ELAVL2: variants seen among roughly 807,000 people sequenced by gnomAD.
ELAVL2 encodes the protein ELAV like RNA binding protein 2.
In ELAVL2, 4 loss-of-function variants were observed where a neutral mutation model predicts 34.6. The ratio of observed to expected loss-of-function variants is 0.12; its 90% CI spans 0.06 to 0.26. The LOEUF (loss-of-function observed/expected upper bound fraction) is 0.26. ELAVL2 is among the 10% of genes least tolerant of loss of function. The pLI, the probability that ELAVL2 is intolerant of heterozygous loss-of-function variation, is 1.00. For missense variants in ELAVL2, 432 were observed against 442.8 expected (o/e 0.98, Z 0.22); for synonymous variants, 193 against 154.8 (o/e 1.25, Z -1.83).
At chr9:23,761,700 C>T (rs1588205172) in intron 2 of ELAVL2, among the ~76,000 whole-genome samples, 1 of 151,920 alleles carries the variant, frequency 6.6e-6, no homozygotes, top group East Asian at 1.9e-4. Flanking sequence ...ACTCAGGGTA[C>T]TAAAAGATAA....
At chr9:23,745,987 G>A (rs1277083729) in intron 2 of ELAVL2, among the ~76,000 whole-genome samples, 2 of 151,984 alleles carry the variant, frequency 1.3e-5, no homozygotes, top group Non-Finnish European at 2.9e-5. Flanking sequence ...TAGTGCCCAA[G>A]AAACATAATC....
chr9:23,706,810 T>C (rs1213546651), intron 3 of ELAVL2, among the ~76,000 whole-genome samples: 1 of 152,212 alleles, frequency 6.6e-6, no homozygotes, highest in African/African-American at 2.4e-5. Context: ...TCCCCATAAT[T>C]TGAATTGTGC....
intron 5 of ELAVL2, among the ~76,000 whole-genome samples, chr9:23,695,916 A>G (rs1420667330): frequency 1.3e-5 from 2 of 152,104 alleles, no homozygotes; most frequent in Admixed American, 6.5e-5. Flanking sequence ...TCCATCCTCC[A>G]TCTCCCTCAC....
chr9:23,722,671 G>A (rs972519643), intron 3 of ELAVL2, among the ~76,000 whole-genome samples: 3 of 152,142 alleles, frequency 2.0e-5, no homozygotes, highest in Non-Finnish European at 4.4e-5. Context: ...AAAAGCTACG[G>A]CATCAGCCAA....
chr9:23,691,277 A>T lies in ELAVL2; in HGVS notation c.*1280T>A, dbSNP rs2033092158. 6.6e-6 allele frequency: 1 copy of T among 152,628 alleles called. No homozygotes were observed. Among genetic ancestry groups the T allele is most frequent in the African/African-American group, 2.4e-5 (1 of 41,464 alleles). The allele number at this position is 152,628 out of a possible 1,614,324, so 9.5% of individuals were successfully genotyped here. On this transcript the variant is annotated 3_prime_UTR_variant, in exon 7 of 7. Transcript: ENST00000397312. Reference sequence around the variant, plus strand: ...AGGGAAAAAAAATTAAATTAGCTGAAAGGTTCATAAACACAAGGTCTTATT... The same window carrying T: ...AGGGAAAAAAAATTAAATTAGCTGATAGGTTCATAAACACAAGGTCTTATT...
intron 2 of ELAVL2, among the ~76,000 whole-genome samples, chr9:23,740,903 G>A (rs1415953778): frequency 1.3e-5 from 2 of 152,192 alleles, no homozygotes; most frequent in Non-Finnish European, 1.5e-5. Context: ...TCAGCAGATT[G>A]CATTAAAATG....
chr9:23,782,815 T>G (rs143559723), intron 1 of ELAVL2, among the ~76,000 whole-genome samples: 5 of 152,314 alleles, frequency 3.3e-5, no homozygotes, highest in African/African-American at 1.2e-4. Context: ...CCACCAAGGT[T>G]TGGTAAACAG....
chr9:23,771,075 T>C (rs1434023838), intron 1 of ELAVL2, among the ~76,000 whole-genome samples: 1 of 152,128 alleles, frequency 6.6e-6, no homozygotes, highest in African/African-American at 2.4e-5. Context: ...AAATAAATTG[T>C]GTGTGGGTGT....
At chr9:23,712,042 C>A (rs1371938697) in intron 3 of ELAVL2, among the ~76,000 whole-genome samples, 2 of 152,128 alleles carry the variant, frequency 1.3e-5, no homozygotes, top group African/African-American at 4.8e-5. Flanking sequence ...CCAGAGGCGA[C>A]ACAATCTTCA....
intron 3 of ELAVL2, among the ~76,000 whole-genome samples, chr9:23,709,643 A>G (rs1272863571): frequency 2.0e-5 from 3 of 152,224 alleles, no homozygotes; most frequent in Non-Finnish European, 2.9e-5. Context: ...ATGGACTTCC[A>G]GCATATGTCC....
rs577288911 is a variant in ELAVL2 at position 23,821,125 on chromosome 9, G to A, written c.-16+4681C>T. 4 of 152,652 alleles carry A rather than the reference G, an allele frequency of 2.6e-5. No individual in the cohort carries two copies. The East Asian group carries it at 7.7e-4, about 29-fold the overall frequency. 9.5% of individuals were successfully genotyped at this position (152,652 alleles called of 1,614,324 possible). A position where few individuals can be genotyped will look rare whatever the true frequency, so the allele number is the denominator to read the frequency against. On this transcript the variant is annotated intron_variant, in intron 1 of 6. Coordinates refer to ENST00000397312, the MANE Select transcript of ELAVL2 (RefSeq NM_004432.5). Reference sequence around the variant, plus strand: ...CCGGCGTGTTCCGCGGGAGAAGCCAGTGCACACATCCTCCCGCAAGGCGGG... The same window carrying A: ...CCGGCGTGTTCCGCGGGAGAAGCCAATGCACACATCCTCCCGCAAGGCGGG...
chr9:23,792,762 T>A (rs1158019772), intron 1 of ELAVL2, among the ~76,000 whole-genome samples: 1 of 152,050 alleles, frequency 6.6e-6, no homozygotes, highest in Admixed American at 6.6e-5. Flanking sequence ...TTTACTTCCT[T>A]TTTTCATATT....
chr9:23,693,303 C>T, intron 6 of ELAVL2, 145 bp downstream of exon 6: 1 of 994,138 alleles, frequency 1.0e-6, no homozygotes. Context: ...GTCAATTGTG[C>T]TTCAAAGAGC....
chr9:23,728,498 AGAT>A (rs1330305524), intron 3 of ELAVL2, among the ~76,000 whole-genome samples: 1 of 152,138 alleles, frequency 6.6e-6, no homozygotes, highest in Non-Finnish European at 1.5e-5. Context: ...AAACTCAGCC[AGAT>A]GATAGGGTAA....
chr9:23,783,816 C>G (rs2059366302), intron 1 of ELAVL2, among the ~76,000 whole-genome samples: 1 of 151,988 alleles, frequency 6.6e-6, no homozygotes, highest in Non-Finnish European at 1.5e-5. Context: ...AGGCTCAGAA[C>G]AGAGAAAAGC....
chr9:23,812,781 G>C (rs1159828741), intron 1 of ELAVL2, among the ~76,000 whole-genome samples: 20 of 150,388 alleles, frequency 1.3e-4, no homozygotes, highest in Admixed American at 1.3e-3. Context: ...CTGGGTTGTA[G>C]AGTAAGCCAA....
intron 2 of ELAVL2, among the ~76,000 whole-genome samples, chr9:23,753,456 C>A (rs1443451223): frequency 2.6e-5 from 4 of 151,992 alleles, no homozygotes; most frequent in Admixed American, 2.6e-4. Context: ...GTGGCCAAAG[C>A]TGTGTCATAG....
At chr9:23,803,648 TC>T (rs2061842633) in intron 1 of ELAVL2, among the ~76,000 whole-genome samples, 1 of 151,968 alleles carries the variant, frequency 6.6e-6, no homozygotes, top group South Asian at 2.1e-4. Flanking sequence ...GATTTCAGTG[TC>T]CTCTAGAAAC....
chr9:23,810,543 A>C (rs1203414713), intron 1 of ELAVL2, among the ~76,000 whole-genome samples: 2 of 152,148 alleles, frequency 1.3e-5, no homozygotes, highest in African/African-American at 4.8e-5. Context: ...AACACCCCTA[A>C]GAGAAGCAAT....
Sources: gnomAD v4.1 joint callset for allele counts (sites outside exome capture counted in the v4.1 genomes callset) on GRCh38, gnomAD v4.1.1 for gene constraint, MANE v1.5 for transcripts, NCBI Gene and HGNC (gene_info 2026-07-23, HGNC 2026-07-21) for gene names.